CSMD3: variants seen among roughly 807,000 people sequenced by gnomAD.
CSMD3 encodes CUB and Sushi multiple domains 3.
A neutral mutation model predicts 435.2 loss-of-function variants in CSMD3; 177 were observed. The ratio of observed to expected loss-of-function variants is 0.41; its 90% CI spans 0.36 to 0.46. The LOEUF is 0.46. CSMD3 is among the 20% of genes least tolerant of loss of function. The probability of loss-of-function intolerance (pLI) is 0.34; values close to 1 mark genes in which losing one functional copy is unlikely to be tolerated. For synonymous variants in CSMD3, 1,656 were observed against 1,520.5 expected (o/e 1.09, Z -2.07); for missense variants, 4,265 against 4,504.6 (o/e 0.95, Z 1.52).
chr8:112,244,659 T>A, intron 64 of CSMD3, 86 bp from the exon 65 acceptor site: 2 of 925,304 alleles, frequency 2.2e-6, no homozygotes, highest in Admixed American at 3.7e-5. Flanking sequence ...ATTTCAGATA[T>A]ACTTCAATGC....
At chr8:112,806,956 G>A (rs1020042505) in intron 12 of CSMD3, among the ~76,000 whole-genome samples, 1 of 152,174 alleles carries the variant, frequency 6.6e-6, no homozygotes, top group African/African-American at 2.4e-5. Context: ...CCCACCTTGG[G>A]AAGGAATGCT....
At chr8:113,263,714 T>C (rs530333577) in intron 3 of CSMD3, among the ~76,000 whole-genome samples, 2 of 151,974 alleles carry the variant, frequency 1.3e-5, no homozygotes, top group East Asian at 3.9e-4. Flanking sequence ...AAAGAACATA[T>C]AAAATCTGAA....
intron 35 of CSMD3, among the ~76,000 whole-genome samples, chr8:112,399,264 A>AT (rs1205239411): frequency 5.2e-5 from 4 of 77,404 alleles, no homozygotes; most frequent in South Asian, 6.8e-4. Flanking sequence ...TTTGATTCCA[A>AT]ATTTTTTTTT....
At position 112,984,350 on chromosome 8, in the gene CSMD3, C is replaced by G. The variant is rs148841384; in HGVS notation, c.1031-8202G>C. Among the ~76,000 whole-genome samples, 509 of 151,810 alleles carry G rather than the reference C, an allele frequency of 3.4e-3. 3 individuals are homozygous for G. The highest frequency in any genetic ancestry group is 0.011 in the African/African-American group (439 of 41,420). On this transcript the variant is annotated intron_variant, in intron 6 of 70. Coordinates refer to ENST00000297405, the MANE Select transcript of CSMD3 (RefSeq NM_198123.2). Reference sequence around the variant, plus strand: ...CATCAATAAACAAAGGTAAGAACACCAAGATATACATCATTTATATTTGAC... The same window carrying G: ...CATCAATAAACAAAGGTAAGAACACGAAGATATACATCATTTATATTTGAC...
chr8:112,313,751 T>C (rs548971695), intron 49 of CSMD3, among the ~76,000 whole-genome samples, 155 bp downstream of exon 49: 3 of 152,164 alleles, frequency 2.0e-5, no homozygotes, highest in Non-Finnish European at 2.9e-5. Flanking sequence ...ATCATTACAA[T>C]AGGAAATAGA....
chr8:112,717,545 A>T (rs982791177), intron 13 of CSMD3, among the ~76,000 whole-genome samples: 1 of 152,246 alleles, frequency 6.6e-6, no homozygotes, highest in Non-Finnish European at 1.5e-5. Context: ...CATTTGACCC[A>T]GCAATCCCAT....
chr8:112,394,560 C>G (rs548276529), intron 35 of CSMD3, among the ~76,000 whole-genome samples: 13 of 152,224 alleles, frequency 8.5e-5, no homozygotes, highest in Admixed American at 7.9e-4. Flanking sequence ...TACTGTGTTC[C>G]AGACACTGTG....
chr8:112,371,170 T>TG (rs974144989), intron 38 of CSMD3, among the ~76,000 whole-genome samples: 19 of 152,232 alleles, frequency 1.2e-4, no homozygotes, highest in African/African-American at 4.3e-4. Context: ...CACATGGATA[T>TG]GGGGCACACG....
chr8:112,307,206 CTCTACCT>C (rs2130794493), intron 50 of CSMD3, among the ~76,000 whole-genome samples: 1 of 152,110 alleles, frequency 6.6e-6, no homozygotes, highest in South Asian at 2.1e-4. Flanking sequence ...TCACTGCAAC[CTCTACCT>C]TCTAGGCTCA....
intron 16 of CSMD3, among the ~76,000 whole-genome samples, chr8:112,682,116 A>T (rs1019870453): frequency 6.6e-6 from 1 of 152,126 alleles, no homozygotes; most frequent in Non-Finnish European, 1.5e-5. Flanking sequence ...AGAAAAAATG[A>T]ATGGAAACTA....
intron 31 of CSMD3, among the ~76,000 whole-genome samples, chr8:112,484,286 A>G (rs544575522): frequency 1.3e-5 from 2 of 152,280 alleles, no homozygotes; most frequent in African/African-American, 4.8e-5. Context: ...ATGAATAGTA[A>G]AAGTTAACTG....
rs1406583281 is a variant in CSMD3 at position 113,046,389 on chromosome 8, A to T, written c.918-27210T>A. 3.3e-5 allele frequency among the ~76,000 whole-genome samples: 5 copies of T among 149,426 alleles called. 1 individual carries two copies. Among genetic ancestry groups the T allele is most frequent in the South Asian group, 4.2e-4 (2 of 4,738 alleles). On this transcript the variant is annotated intron_variant, in intron 5 of 70. Coordinates refer to ENST00000297405, the MANE Select transcript of CSMD3 (RefSeq NM_198123.2). ...ACAAACAACAATAACAAAACAAAAT[A>T]AAAAAACGCCTTATTTGTGCCCTGA...
intron 3 of CSMD3, among the ~76,000 whole-genome samples, chr8:113,259,613 T>A (rs2132346859): frequency 6.6e-6 from 1 of 152,202 alleles, no homozygotes; most frequent in South Asian, 2.1e-4. Flanking sequence ...TATGCCATTC[T>A]AATATCTAGA....
chr8:112,951,249 T>C (rs1341100088), intron 8 of CSMD3, among the ~76,000 whole-genome samples: 2 of 151,874 alleles, frequency 1.3e-5, no homozygotes, highest in Non-Finnish European at 2.9e-5. Context: ...ATTGATGCAA[T>C]TGGACAGATT....
chr8:113,316,247 C>T (rs66955752), intron 1 of CSMD3, among the ~76,000 whole-genome samples: 15,835 of 152,126 alleles, frequency 0.1, 965 homozygotes, highest in Middle Eastern at 0.17. Flanking sequence ...AGCTGTAAAT[C>T]AGAGTTATCA....
chr8:113,407,326 T>C (rs769877308), intron 1 of CSMD3, among the ~76,000 whole-genome samples: 1 of 152,182 alleles, frequency 6.6e-6, no homozygotes, highest in Non-Finnish European at 1.5e-5. Flanking sequence ...TCAACACATG[T>C]CTTTTGAACT....
At chr8:113,315,508 C>T (rs943190222) in intron 1 of CSMD3, among the ~76,000 whole-genome samples, 1 of 151,484 alleles carries the variant, frequency 6.6e-6, no homozygotes, top group African/African-American at 2.4e-5. Context: ...GTCTAAGTTA[C>T]TGAGAGCATG....
At chr8:112,678,228 A>G (rs1005345438) in intron 16 of CSMD3, among the ~76,000 whole-genome samples, 5 of 152,120 alleles carry the variant, frequency 3.3e-5, no homozygotes, top group African/African-American at 9.7e-5. Flanking sequence ...CACCAAAACT[A>G]CCATCCAGTC....
intron 13 of CSMD3, among the ~76,000 whole-genome samples, chr8:112,743,813 C>T (rs1036028864): frequency 6.6e-6 from 1 of 151,748 alleles, no homozygotes; most frequent in African/African-American, 2.4e-5. Flanking sequence ...TGATAAACAC[C>T]TGGTTCAATT....
Sources: allele counts gnomAD v4.1 joint callset (sites outside exome capture counted in the v4.1 genomes callset), GRCh38; gene constraint gnomAD v4.1.1; transcripts MANE v1.5; gene names NCBI Gene and HGNC (gene_info 2026-07-23, HGNC 2026-07-21).